The following PARPBP variants were observed in gnomAD, a reference collection of about 807,000 sequenced individuals.
PARPBP encodes the protein PCNA-interacting partner.
In PARPBP, 52 loss-of-function variants were observed where a neutral mutation model predicts 50.0. The observed-to-expected ratio is 1.04, with a 90% CI of 0.83 to 1.31. The LOEUF (loss-of-function observed/expected upper bound fraction) is 1.31, where lower values mean the gene tolerates loss of function less well. PARPBP is among the 50% of genes most tolerant of loss of function. PARPBP has a pLI of 0.00. For synonymous variants in PARPBP, 244 were observed against 232.1 expected (o/e 1.05, Z -0.47); for missense variants, 697 against 672.0 (o/e 1.04, Z -0.41).
intron 6 of PARPBP, among the ~76,000 whole-genome samples, chr12:102,170,905 CTTTTTTT>C (rs56390964): frequency 2.0e-4 from 23 of 113,326 alleles, no homozygotes; most frequent in South Asian, 8.8e-4. Context: ...TTTAATTTTT[CTTTTTTT>C]TTTTTTTTTT....
At chr12:102,162,589 G>C (rs1887712804) in intron 4 of PARPBP, among the ~76,000 whole-genome samples, 1 of 152,168 alleles carries the variant, frequency 6.6e-6, no homozygotes, top group Admixed American at 6.5e-5. Context: ...TGGAGGTCAA[G>C]GCAGAAGGAT....
Position 102,124,025 on chromosome 12 carries a change from C to T in PARPBP, c.137C>T (p.Ala46Val), listed in dbSNP as rs768649483. The T allele has an allele frequency of 1.6e-4, 253 of 1,534,420 alleles. No individual in the cohort carries two copies. The highest frequency in any genetic ancestry group is 2.1e-4 in the Non-Finnish European group (242 of 1,145,852). Residue 46 changes from alanine to valine, a missense_variant, in exon 2 of 11, where the codon GCG becomes GTG. Coordinates refer to ENST00000327680, the MANE Select transcript of PARPBP (RefSeq NM_017915.5). ...CTCTTGGCATTGCAGCTTTCTATGG[C>T]GGAGAACAACAAACAGGTTGGTAAA... ...SMLLALQLSM[A>V]ENNKQHSGEF...
intron 2 of PARPBP, among the ~76,000 whole-genome samples, chr12:102,143,247 A>T (rs1392226127): frequency 6.6e-6 from 1 of 152,204 alleles, no homozygotes; most frequent in African/African-American, 2.4e-5. Context: ...ATGTGCTAGC[A>T]GTGAGTGAGG....
chr12:102,178,793 G>C, intron 8 of PARPBP, 23 bp downstream of exon 8: 1 of 1,485,490 alleles, frequency 6.7e-7, no homozygotes, highest in Admixed American at 1.9e-5. Flanking sequence ...GAAGTTATAT[G>C]TGTTATAAAT....
intron 2 of PARPBP, among the ~76,000 whole-genome samples, chr12:102,129,489 T>A (rs1356938208): frequency 6.6e-6 from 1 of 152,238 alleles, no homozygotes; most frequent in Non-Finnish European, 1.5e-5. Flanking sequence ...TTGCTTTTGT[T>A]TTCTGTGCTT....
intron 3 of PARPBP, chr12:102,151,900 G>A: frequency 1.2e-6 from 1 of 829,032 alleles, no homozygotes. Context: ...GACCCAAGGA[G>A]CTTCAGTTTA....
rs1385125688 is a variant in PARPBP at position 102,158,144 on chromosome 12, GAA to G, written c.495+4169_495+4170del. On this transcript the variant is annotated intron_variant, in intron 4 of 10. Transcript: ENST00000327680. ...TCAAAAAAAAAAAAAAAAAAAAAAA[GAA>G]TAGTGAGCTTCTAATTCTGTTATGT... Among the ~76,000 whole-genome samples the G allele has an allele frequency of 4.4e-5, 5 of 114,132 alleles. No individual in the cohort carries two copies. The East Asian group carries it at 1.3e-3, about 30-fold the overall frequency. 74.9% of individuals were successfully genotyped at this position (114,132 alleles called of 152,430 possible).
intron 6 of PARPBP, among the ~76,000 whole-genome samples, chr12:102,175,110 G>C (rs1367363519): frequency 6.6e-6 from 1 of 152,132 alleles, no homozygotes; most frequent in African/African-American, 2.4e-5. Flanking sequence ...TTAAATGAAT[G>C]TAAGAGTCTA....
chr12:102,188,835 TC>T, intron 9 of PARPBP, among the ~76,000 whole-genome samples: 1 of 152,042 alleles, frequency 6.6e-6, no homozygotes, highest in East Asian at 1.9e-4. Context: ...AGATTTAGAA[TC>T]GATGACATAG....
intron 4 of PARPBP, 85 bp from the exon 5 acceptor site, chr12:102,164,353 T>G (rs900622779): frequency 3.1e-6 from 3 of 958,322 alleles, no homozygotes; most frequent in Non-Finnish European, 4.8e-6. Flanking sequence ...ATTGAATGAT[T>G]ACATACATTT....
At chr12:102,121,995 A>AT (rs1881212397) in intron 1 of PARPBP, among the ~76,000 whole-genome samples, 1 of 152,082 alleles carries the variant, frequency 6.6e-6, no homozygotes, top group Admixed American at 6.5e-5. Flanking sequence ...TTTCATTTTC[A>AT]TTATGAGGAA....
chr12:102,165,686 A>G, intron 5 of PARPBP, 43 bp from the exon 6 acceptor site: 1 of 1,475,756 alleles, frequency 6.8e-7, no homozygotes, highest in South Asian at 1.2e-5. Flanking sequence ...TTACAGTTTA[A>G]TAAATCACTG....
At chr12:102,174,559 G>A (rs1334401196) in intron 6 of PARPBP, among the ~76,000 whole-genome samples, 1 of 152,178 alleles carries the variant, frequency 6.6e-6, no homozygotes, top group Non-Finnish European at 1.5e-5. Flanking sequence ...GCTGTGATAT[G>A]TGCTCAGGCA....
intron 2 of PARPBP, among the ~76,000 whole-genome samples, chr12:102,136,288 A>G (rs537884412): frequency 6.6e-6 from 1 of 152,354 alleles, no homozygotes; most frequent in African/African-American, 2.4e-5. Flanking sequence ...TGGTGACCAT[A>G]CACTGGAAAA....
intron 2 of PARPBP, among the ~76,000 whole-genome samples, chr12:102,136,139 A>G (rs930926248): frequency 6.6e-6 from 1 of 152,232 alleles, no homozygotes; most frequent in African/African-American, 2.4e-5. Context: ...GGCATGTGCC[A>G]TTGTTCACTC....
chr12:102,120,346 G>C, intron 1 of PARPBP, 60 bp downstream of exon 1: 1 of 388,734 alleles, frequency 2.6e-6, no homozygotes, highest in Non-Finnish European at 5.2e-6. Context: ...TTCAGGCTGT[G>C]GCTTTTGAGG....
intron 9 of PARPBP, among the ~76,000 whole-genome samples, chr12:102,183,196 AAG>A (rs1467135442): frequency 6.6e-6 from 1 of 152,160 alleles, no homozygotes; most frequent in Non-Finnish European, 1.5e-5. Flanking sequence ...ATTTTTCAAA[AAG>A]AAATTTGGCT....
At chr12:102,153,785 C>T in intron 3 of PARPBP, 84 bp from the exon 4 acceptor site, 1 of 716,708 alleles carries the variant, frequency 1.4e-6, no homozygotes. Flanking sequence ...ACTGAAACAT[C>T]AATGACACTG....
At chr12:102,126,785 TAAATA>T (rs1293341393) in intron 2 of PARPBP, among the ~76,000 whole-genome samples, 4 of 152,128 alleles carry the variant, frequency 2.6e-5, no homozygotes, top group East Asian at 1.9e-4. Flanking sequence ...CAAAAATAAA[TAAATA>T]AAATAAAATT....
Sources: allele counts gnomAD v4.1 joint callset (sites outside exome capture counted in the v4.1 genomes callset), GRCh38; gene constraint gnomAD v4.1.1; transcripts MANE v1.5; gene names NCBI Gene and HGNC (gene_info 2026-07-23, HGNC 2026-07-21).